SAMD12: variants seen among roughly 807,000 people sequenced by gnomAD.
SAMD12 encodes sterile alpha motif domain-containing protein 12.
SAMD12 carries 9 observed loss-of-function variants against 15.0 expected under a neutral mutation model. The ratio of observed to expected loss-of-function variants is 0.60; its 90% CI spans 0.36 to 1.05. The LOEUF (loss-of-function observed/expected upper bound fraction) is 1.05, where lower values mean the gene tolerates loss of function less well. Ranked by LOEUF, SAMD12 falls within the 50% of genes least tolerant of loss-of-function variation. SAMD12 has a pLI of 0.01. For missense variants in SAMD12, 230 were observed against 234.2 expected, an observed-to-expected ratio of 0.98 and a Z score of 0.12; for synonymous variants, 86 against 90.1, an observed-to-expected ratio of 0.96 and a Z score of 0.25.
chr8:118,355,034 CT>C (rs1205751093), intron 4 of SAMD12, among the ~76,000 whole-genome samples: 1 of 152,240 alleles, frequency 6.6e-6, no homozygotes, highest in Non-Finnish European at 1.5e-5. Flanking sequence ...AATCCCACTA[CT>C]GAGTATCTAC....
At chr8:118,551,282 C>A (rs969713276) in intron 2 of SAMD12, among the ~76,000 whole-genome samples, 3 of 150,656 alleles carry the variant, frequency 2.0e-5, no homozygotes, top group African/African-American at 5.0e-5. Flanking sequence ...GGAAGTAAAG[C>A]TCTCCTCAGC....
chr8:118,480,684 A>T (rs931609851), intron 2 of SAMD12, among the ~76,000 whole-genome samples: 16 of 152,156 alleles, frequency 1.1e-4, no homozygotes, highest in Admixed American at 3.3e-4. Context: ...TTAAAAATGC[A>T]CATCAGAAAC....
intron 4 of SAMD12, among the ~76,000 whole-genome samples, chr8:118,271,041 G>A (rs1030035327): frequency 2.0e-5 from 3 of 152,066 alleles, no homozygotes; most frequent in Admixed American, 1.3e-4. Flanking sequence ...ATTCATTGTT[G>A]GAATTCTGCA....
chr8:118,382,427 G>A (rs1174699290), intron 3 of SAMD12, among the ~76,000 whole-genome samples: 1 of 152,226 alleles, frequency 6.6e-6, no homozygotes, highest in Non-Finnish European at 1.5e-5. Flanking sequence ...ATGCCTTCCT[G>A]TAAACCTGTA....
At chr8:118,438,559 A>C (rs1401030155) in intron 3 of SAMD12, among the ~76,000 whole-genome samples, 1 of 152,106 alleles carries the variant, frequency 6.6e-6, no homozygotes, top group Non-Finnish European at 1.5e-5. Context: ...TTGGCAGTCA[A>C]GGGCTCCATG....
rs866758040 is a variant in SAMD12 at position 118,379,545 on chromosome 8, G to A, written c.478C>T (p.Pro160Ser). ...QLLTQGTLLL[P>S]DGWMDGEIRR... ...ATCTCCCCATCCATCCACCCATCAGGAAGCAATAGGGTACCTTGTGTGAGT... is the reference window on the plus strand; with the variant it reads ...ATCTCCCCATCCATCCACCCATCAGAAAGCAATAGGGTACCTTGTGTGAGT... The change falls in exon 4 of 4, where the codon CCT (proline) becomes TCT (serine). Residue 160 changes from proline (P) to serine (S), a missense_variant. Pro to Ser is a moderately conservative substitution (Grantham distance 74). Coordinates refer to ENST00000314727, the MANE Select transcript of SAMD12 (RefSeq NM_207506.3). 1 of 1,613,806 alleles carries A rather than the reference G, an allele frequency of 6.2e-7. No homozygotes were observed. Among genetic ancestry groups the A allele is most frequent in the Non-Finnish European group, 8.5e-7 (1 of 1,179,818 alleles).
chr8:118,354,599 T>C (rs1441924316), intron 4 of SAMD12, among the ~76,000 whole-genome samples: 2 of 152,184 alleles, frequency 1.3e-5, no homozygotes, highest in Non-Finnish European at 2.9e-5. Flanking sequence ...CACATTAAAA[T>C]AAAGTATAAA....
At chr8:118,459,538 TACGCC>T (rs1236553191) in intron 2 of SAMD12, among the ~76,000 whole-genome samples, 1 of 152,182 alleles carries the variant, frequency 6.6e-6, no homozygotes, top group African/African-American at 2.4e-5. Context: ...AAAGCAGGTA[TACGCC>T]ACTGCATCTT....
chr8:118,266,202 G>A (rs1813195362), intron 4 of SAMD12, among the ~76,000 whole-genome samples: 1 of 152,140 alleles, frequency 6.6e-6, no homozygotes, highest in African/African-American at 2.4e-5. Flanking sequence ...ACTGCCTGAT[G>A]ATCCAATCAC....
chr8:118,165,639 T>TATATATAC, the SAMD12 span, among the ~76,000 whole-genome samples: 1 of 138,310 alleles, frequency 7.2e-6, no homozygotes, highest in African/African-American at 3.0e-5. Context: ...TATATATACA[T>TATATATAC]ATATATATAT....
intron 3 of SAMD12, among the ~76,000 whole-genome samples, chr8:118,392,527 T>C (rs1820340539): frequency 6.6e-6 from 1 of 152,236 alleles, no homozygotes; most frequent in African/African-American, 2.4e-5. Context: ...CAAGACCCTA[T>C]GGGGAGCTGT....
chr8:118,160,936 C>T, the SAMD12 span, among the ~76,000 whole-genome samples: 1 of 152,130 alleles, frequency 6.6e-6, no homozygotes, highest in African/African-American at 2.4e-5. Context: ...AATGCTATCC[C>T]TGCCCCCGCA....
intron 4 of SAMD12, among the ~76,000 whole-genome samples, chr8:118,268,335 G>A (rs959182784): frequency 6.6e-6 from 1 of 152,118 alleles, no homozygotes; most frequent in African/African-American, 2.4e-5. Flanking sequence ...CTTCAGCACT[G>A]ACTATTTAAA....
chr8:118,231,301 T>C (rs28365496), intron 4 of SAMD12, among the ~76,000 whole-genome samples: 1 of 152,016 alleles, frequency 6.6e-6, no homozygotes, highest in East Asian at 1.9e-4. Context: ...ACTCTGGGAG[T>C]GATGCACTTC....
At chr8:118,599,987 C>T (rs1827820861) in intron 1 of SAMD12, among the ~76,000 whole-genome samples, 1 of 152,148 alleles carries the variant, frequency 6.6e-6, no homozygotes, top group East Asian at 1.9e-4. Context: ...TGGGAGGCAA[C>T]AGATCGCCTC....
At chr8:118,519,215 T>A (rs1404856006) in intron 2 of SAMD12, among the ~76,000 whole-genome samples, 2 of 152,212 alleles carry the variant, frequency 1.3e-5, no homozygotes, top group African/African-American at 2.4e-5. Flanking sequence ...TCTGTGGTTC[T>A]CTACAAATGC....
chr8:118,151,660 C>G, the SAMD12 span, among the ~76,000 whole-genome samples: 5 of 151,704 alleles, frequency 3.3e-5, no homozygotes, highest in Non-Finnish European at 2.9e-5. Context: ...AACCTCATCT[C>G]TACTAAAAAT....
At chr8:118,555,425 T>G (rs374692336) in intron 2 of SAMD12, among the ~76,000 whole-genome samples, 38 of 152,326 alleles carry the variant, frequency 2.5e-4, no homozygotes, top group African/African-American at 8.7e-4. Context: ...ACAACAGTAC[T>G]CCTCCTCTCC....
intron 3 of SAMD12, among the ~76,000 whole-genome samples, chr8:118,418,673 T>C (rs2514985): frequency 0.82 from 124,305 of 151,362 alleles, 51,094 homozygotes; most frequent in Admixed American, 0.85. Flanking sequence ...GAGCCGAGAT[T>C]GCGCCACTGC....
Sources: allele counts gnomAD v4.1 joint callset (sites outside exome capture counted in the v4.1 genomes callset), GRCh38; gene constraint gnomAD v4.1.1; transcripts MANE v1.5; gene names NCBI Gene and HGNC (gene_info 2026-07-23, HGNC 2026-07-21).